FHIT: variants seen among roughly 807,000 people sequenced by gnomAD.
The protein encoded by FHIT is fragile histidine triad diadenosine triphosphatase, also known as bis(5'-adenosyl)-triphosphatase.
Under a neutral mutation model 17.9 loss-of-function variants are expected in FHIT, and 19 were observed. The observed-to-expected ratio is 1.06, with a 90% CI of 0.74 to 1.56. FHIT has a LOEUF of 1.56. FHIT is among the 40% of genes most tolerant of loss of function. The pLI is 0.00. For missense variants in FHIT, 248 were observed against 189.2 expected (o/e 1.31, Z -1.82); for synonymous variants, 81 against 69.7 (o/e 1.16, Z -0.81).
At chr3:60,382,952 G>A (rs1048552651) in intron 5 of FHIT, among the ~76,000 whole-genome samples, 1 of 152,046 alleles carries the variant, frequency 6.6e-6, no homozygotes, top group African/African-American at 2.4e-5. Flanking sequence ...GTAATGTCAC[G>A]ACTAGCTTGT....
chr3:60,599,706 A>G (rs2038382507), intron 4 of FHIT, among the ~76,000 whole-genome samples: 2 of 150,306 alleles, frequency 1.3e-5, no homozygotes, highest in South Asian at 4.2e-4. Flanking sequence ...AAGGAATGCA[A>G]TACTACCAGA....
In FHIT at chr3:61,132,336, C is replaced by T. The variant is rs567769936; in HGVS notation, c.-164+68281G>A. On this transcript the variant is annotated intron_variant, in intron 2 of 9. Transcript: ENST00000492590. ...TTCCCCAGTTTCCATTTCTTGTCTC[C>T]CTTACCTTATTCATCCATAGACAAT... Among the ~76,000 whole-genome samples, 4 of 152,280 alleles carry T rather than the reference C, an allele frequency of 2.6e-5. No individual in the cohort carries two copies. The South Asian group carries it at 8.3e-4, about 32-fold the overall frequency.
intron 4 of FHIT, among the ~76,000 whole-genome samples, chr3:60,761,370 A>C (rs976715432): frequency 2.0e-5 from 3 of 152,328 alleles, no homozygotes; most frequent in Non-Finnish European, 4.4e-5. Flanking sequence ...CAGATAAAAA[A>C]TTATTTCTTT....
intron 5 of FHIT, among the ~76,000 whole-genome samples, chr3:60,100,606 C>T (rs1704152125): frequency 1.3e-5 from 2 of 152,284 alleles, no homozygotes; most frequent in South Asian, 4.1e-4. Flanking sequence ...ATTCCAGAAA[C>T]CCCTCTCTGG....
chr3:59,967,819 G>C (rs758827734), intron 7 of FHIT, among the ~76,000 whole-genome samples: 2 of 150,848 alleles, frequency 1.3e-5, no homozygotes, highest in Non-Finnish European at 3.0e-5. Flanking sequence ...GATGAACAAA[G>C]GAAGAAAAGA....
In FHIT at chr3:61,212,563, G is replaced by C. The variant is rs567713104; in HGVS notation, c.-212-11898C>G. 1.1e-4 allele frequency among the ~76,000 whole-genome samples: 17 copies of C among 152,336 alleles called. No homozygotes were observed. In the South Asian group the frequency reaches 3.3e-3, roughly 30 times the overall value. On this transcript the variant is annotated intron_variant, in intron 1 of 9. Coordinates refer to ENST00000492590, the MANE Select transcript of FHIT (RefSeq NM_002012.4). ...AAAGTGATGGGGAGAATGGAACCAA[G>C]TTGGAAAACACTCTGCAGGATATTA...
intron 2 of FHIT, among the ~76,000 whole-genome samples, chr3:61,088,460 T>G (rs1027454227): frequency 6.6e-5 from 10 of 152,172 alleles, no homozygotes; most frequent in Non-Finnish European, 1.2e-4. Context: ...GTACAGCCAA[T>G]TTAGCAAATC....
intron 4 of FHIT, among the ~76,000 whole-genome samples, chr3:60,781,347 C>T (rs1553725660): frequency 6.6e-6 from 1 of 152,084 alleles, no homozygotes; most frequent in African/African-American, 2.4e-5. Context: ...AACTAGAAGA[C>T]TATTTCTGCA....
At chr3:59,818,901 G>C (rs571040127) in intron 8 of FHIT, among the ~76,000 whole-genome samples, 2 of 152,306 alleles carry the variant, frequency 1.3e-5, no homozygotes, top group African/African-American at 4.8e-5. Context: ...CACCTCTTCA[G>C]CATGGATATG....
chr3:60,888,427 T>G (rs1705334262), intron 3 of FHIT, among the ~76,000 whole-genome samples: 1 of 152,160 alleles, frequency 6.6e-6, no homozygotes, highest in Admixed American at 6.5e-5. Context: ...AAATTTCTTC[T>G]GGGGTCAGTG....
At chr3:59,910,471 T>TC (rs1282980408) in intron 8 of FHIT, among the ~76,000 whole-genome samples, 6 of 151,950 alleles carry the variant, frequency 3.9e-5, no homozygotes, top group Non-Finnish European at 8.8e-5. Flanking sequence ...CTTTCACATT[T>TC]CCCCCCCTTC....
intron 2 of FHIT, among the ~76,000 whole-genome samples, chr3:61,083,205 A>G (rs1264326336): frequency 6.6e-6 from 1 of 152,188 alleles, no homozygotes; most frequent in Non-Finnish European, 1.5e-5. Context: ...CAATTCACCA[A>G]TCAAGTGTAT....
At chr3:60,924,894 C>G (rs1290179383) in intron 3 of FHIT, among the ~76,000 whole-genome samples, 1 of 151,962 alleles carries the variant, frequency 6.6e-6, no homozygotes, top group Non-Finnish European at 1.5e-5. Flanking sequence ...ACCACGGCAC[C>G]AGAACTACGT....
chr3:60,868,065 T>C (rs1704241222), intron 3 of FHIT, among the ~76,000 whole-genome samples: 1 of 152,106 alleles, frequency 6.6e-6, no homozygotes, highest in South Asian at 2.1e-4. Context: ...CATATCTGAA[T>C]AGAATTGAAG....
chr3:59,966,633 T>A (rs1308103323), intron 7 of FHIT, among the ~76,000 whole-genome samples: 1 of 152,158 alleles, frequency 6.6e-6, no homozygotes, highest in Non-Finnish European at 1.5e-5. Context: ...TATTCATGTA[T>A]CTAAATAAAT....
At chr3:60,053,667 G>C (rs1212739521) in intron 5 of FHIT, among the ~76,000 whole-genome samples, 1 of 151,972 alleles carries the variant, frequency 6.6e-6, no homozygotes. Context: ...ATCATTTGAA[G>C]ACATCCCCCA....
At chr3:60,193,299 G>C (rs372942345) in intron 5 of FHIT, among the ~76,000 whole-genome samples, 11 of 152,236 alleles carry the variant, frequency 7.2e-5, no homozygotes, top group African/African-American at 2.2e-4. Flanking sequence ...GACAGAGCTG[G>C]TCTCAGCACC....
intron 5 of FHIT, among the ~76,000 whole-genome samples, chr3:60,339,391 A>C (rs146853178): frequency 0.022 from 3,393 of 152,248 alleles, 62 homozygotes; most frequent in Middle Eastern, 0.034. Context: ...TCTTATTTCT[A>C]ATTCTCACCT....
At chr3:59,954,062 G>C (rs1707264837) in intron 7 of FHIT, among the ~76,000 whole-genome samples, 1 of 152,144 alleles carries the variant, frequency 6.6e-6, no homozygotes, top group South Asian at 2.1e-4. Context: ...TCAAGCAATG[G>C]CAGTTTAACT....
Sources: allele counts gnomAD v4.1 joint callset (sites outside exome capture counted in the v4.1 genomes callset), GRCh38; gene constraint gnomAD v4.1.1; transcripts MANE v1.5; gene names NCBI Gene and HGNC (gene_info 2026-07-23, HGNC 2026-07-21).